PRPS2: variants seen among roughly 807,000 people sequenced by gnomAD.
PRPS2 encodes the protein phosphoribosyl pyrophosphate synthetase 2, also known as ribose-phosphate pyrophosphokinase 2.
For missense variants in PRPS2, 104 were observed against 271.5 expected (o/e 0.38, Z 4.34); for synonymous variants, 111 against 115.3 (o/e 0.96, Z 0.24).
At position 12,823,539 on chromosome X, in the gene PRPS2, A is replaced by T. The variant is rs2042686406; in HGVS notation, c.*743A>T. The T allele has an allele frequency of 9.0e-6, 1 of 111,525 alleles. No homozygotes were observed. Among genetic ancestry groups the T allele is most frequent in the Non-Finnish European group, 1.9e-5 (1 of 53,161 alleles). 9.2% of individuals were successfully genotyped at this position (111,525 alleles called of 1,213,427 possible). On this transcript the variant is annotated 3_prime_UTR_variant, in exon 7 of 7. Transcript: ENST00000380668. ...TGCTGCATCCTAAAATTCCAAAATT[A>T]TATTGAGCAATCGCCAAGGCCTAAA...
rs1043364686 is a variant in PRPS2 at position 12,823,668 on chromosome X, A to G, written c.*872A>G. On this transcript the variant is annotated 3_prime_UTR_variant, in exon 7 of 7. Coordinates refer to ENST00000380668, the MANE Select transcript of PRPS2 (RefSeq NM_002765.5). ...ATGATCTCAGATTTTTAAAAAGGATATAGGAACCTGCATTGTCATTCTCTG... is the reference window on the plus strand; with the variant it reads ...ATGATCTCAGATTTTTAAAAAGGATGTAGGAACCTGCATTGTCATTCTCTG... 1.8e-5 allele frequency: 2 copies of G among 112,390 alleles called. No individual in the cohort carries two copies. The highest frequency in any genetic ancestry group is 9.5e-5 in the Admixed American group (1 of 10,577). The allele number at this position is 112,390 out of a possible 1,213,427, so 9.3% of individuals were successfully genotyped here. A position where few individuals can be genotyped will look rare whatever the true frequency, so the allele number is the denominator to read the frequency against.
intron 4 of PRPS2, among the ~76,000 whole-genome samples, chrX:12,813,660 AG>A (rs992397880): frequency 9.0e-6 from 1 of 111,056 alleles, no homozygotes; most frequent in African/African-American, 3.3e-5. Flanking sequence ...GCTGTGGGTG[AG>A]GGTAGTGCCC....
At chrX:12,799,818 G>C (rs1038605049) in intron 2 of PRPS2, among the ~76,000 whole-genome samples, 7 of 110,932 alleles carry the variant, frequency 6.3e-5, no homozygotes, top group African/African-American at 2.3e-4. Flanking sequence ...CTAGGTAAAA[G>C]GTTCACAGGA....
chrX:12,813,163 CTATT>C (rs2042632204), intron 4 of PRPS2, among the ~76,000 whole-genome samples: 1 of 112,104 alleles, frequency 8.9e-6, no homozygotes, highest in African/African-American at 3.2e-5. Context: ...GTATATCTGC[CTATT>C]TATTTCACGC....
intron 4 of PRPS2, chrX:12,810,450 A>G (rs1009062715): frequency 1.4e-5 from 4 of 281,237 alleles, no homozygotes; most frequent in Non-Finnish European, 2.5e-5. Flanking sequence ...TGATTATAAA[A>G]GTAATGAGCC....
chrX:12,809,694 G>A (rs1290694052), intron 3 of PRPS2, among the ~76,000 whole-genome samples: 1 of 111,967 alleles, frequency 8.9e-6, no homozygotes, highest in Non-Finnish European at 1.9e-5. Context: ...TATAATGAAC[G>A]TGAAGTATTT....
intron 2 of PRPS2, 106 bp from the exon 3 acceptor site, chrX:12,809,128 C>A: frequency 1.4e-6 from 1 of 702,995 alleles, no homozygotes; most frequent in Admixed American, 3.3e-5. Context: ...CTTTTTGATG[C>A]TTCGTTGATT....
chrX:12,818,792 C>A (rs2042661865), intron 4 of PRPS2, among the ~76,000 whole-genome samples: 1 of 111,995 alleles, frequency 8.9e-6, no homozygotes, highest in African/African-American at 3.3e-5. Flanking sequence ...ATCTGAAATG[C>A]CCCAGGCTCA....
intron 5 of PRPS2, among the ~76,000 whole-genome samples, 185 bp downstream of exon 5, chrX:12,819,865 C>G (rs1441902896): frequency 1.8e-5 from 2 of 112,615 alleles, no homozygotes; most frequent in Non-Finnish European, 3.8e-5. Flanking sequence ...AAGCACGGGC[C>G]TTTTCGTTTT....
intron 2 of PRPS2, 92 bp downstream of exon 2, chrX:12,799,482 A>C: frequency 1.0e-6 from 1 of 990,771 alleles, no homozygotes. Flanking sequence ...TATCTGGAAA[A>C]TGTTGGCTTT....
chrX:12,811,336 G>A (rs753249706), intron 4 of PRPS2, among the ~76,000 whole-genome samples: 1 of 112,187 alleles, frequency 8.9e-6, no homozygotes, highest in South Asian at 3.7e-4. Context: ...GTGTGAGAAC[G>A]TGGTACTAAG....
intron 3 of PRPS2, 99 bp from the exon 4 acceptor site, chrX:12,809,923 A>C: frequency 9.6e-7 from 1 of 1,046,747 alleles, no homozygotes; most frequent in Non-Finnish European, 1.2e-6. Flanking sequence ...TGAACAAAAA[A>C]TGCAAATGTT....
intron 4 of PRPS2, among the ~76,000 whole-genome samples, chrX:12,817,350 G>T (rs2042652382): frequency 9.3e-6 from 1 of 108,051 alleles, no homozygotes; most frequent in East Asian, 2.9e-4. Context: ...ATTTTTTTAA[G>T]ATGGCATGTG....
intron 5 of PRPS2, among the ~76,000 whole-genome samples, chrX:12,820,076 C>T (rs2042668259): frequency 1.8e-5 from 2 of 112,437 alleles, no homozygotes; most frequent in Admixed American, 9.4e-5. Flanking sequence ...CCCACCCAGC[C>T]ACACGTGGCC....
rs2042665792 is a variant in PRPS2 at position 12,819,582 on chromosome X, G to C, written c.606G>C (p.Val202=). 6 of 1,211,888 alleles carry C rather than the reference G, an allele frequency of 5.0e-6. No homozygotes were observed. Among genetic ancestry groups the C allele is most frequent in the Non-Finnish European group, 5.6e-6 (5 of 895,438 alleles). Residue 202 remains valine (V), a synonymous_variant, in exon 5 of 7, where the codon GTG becomes GTC. Transcript: ENST00000380668. ...AAGAGAGGAAGAAGGCGAATGAAGTGGACCGGATGGTCCTGGTGGGCGACG... is the reference window on the plus strand; with the variant it reads ...AAGAGAGGAAGAAGGCGAATGAAGTCGACCGGATGGTCCTGGTGGGCGACG... ...IHKERKKANE[V]DRMVLVGDVK... is the part of the protein sequence containing the mutation.
At chrX:12,806,151 T>C (rs2042592704) in intron 2 of PRPS2, among the ~76,000 whole-genome samples, 2 of 111,488 alleles carry the variant, frequency 1.8e-5, no homozygotes, top group Non-Finnish European at 1.9e-5. Flanking sequence ...GGTAAAGGAC[T>C]TGTAGTTTGG....
At chrX:12,821,082 A>G (rs1368139944) in intron 6 of PRPS2, among the ~76,000 whole-genome samples, 1 of 112,433 alleles carries the variant, frequency 8.9e-6, no homozygotes, top group Admixed American at 9.4e-5. Context: ...TAGAATTATC[A>G]TATGATCCAA....
chrX:12,801,823 G>C (rs1457555676), intron 2 of PRPS2, among the ~76,000 whole-genome samples: 1 of 112,152 alleles, frequency 8.9e-6, no homozygotes, highest in Non-Finnish European at 1.9e-5. Flanking sequence ...TGGCCAGGCT[G>C]GTCTCGAACT....
At position 12,799,192 on chromosome X, in the gene PRPS2, GTTTTC is replaced by G; in HGVS notation, c.123-9_123-5del. The G allele has an allele frequency of 6.6e-6, 8 of 1,208,338 alleles. No homozygotes were observed. Among genetic ancestry groups the G allele is most frequent in the Non-Finnish European group, 7.8e-6 (7 of 893,258 alleles). ...TATGCTTCGATATTAACCGATGGCA[GTTTTC>G]TTTTCCTAGCGTGGAGATTGGTGAA... On this transcript the variant is annotated splice_polypyrimidine_tract_variant and intron_variant, in intron 1 of 6. Coordinates refer to ENST00000380668, the MANE Select transcript of PRPS2 (RefSeq NM_002765.5).
Sources: gnomAD v4.1 joint callset for allele counts (sites outside exome capture counted in the v4.1 genomes callset) on GRCh38, gnomAD v4.1.1 for gene constraint, MANE v1.5 for transcripts, NCBI Gene and HGNC (gene_info 2026-07-23, HGNC 2026-07-21) for gene names.